B3GALT2: variants seen among roughly 807,000 people sequenced by gnomAD.
B3GALT2 encodes the protein beta-1,3-galactosyltransferase 2.
B3GALT2 carries 13 observed loss-of-function variants against 33.5 expected under a neutral mutation model. The observed-to-expected ratio is 0.39, with a 90% CI of 0.25 to 0.62. The LOEUF is 0.62. Among genes scored for constraint, B3GALT2 ranks in the 20% least tolerant of loss-of-function variants. The pLI is 0.53. For synonymous variants in B3GALT2, 195 were observed against 172.7 expected (o/e 1.13, Z -1.01); for missense variants, 418 against 509.1 (o/e 0.82, Z 1.72).
At chr1:193,185,659 C>G (rs1283293385) in intron 1 of B3GALT2, among the ~76,000 whole-genome samples, 2 of 151,982 alleles carry the variant, frequency 1.3e-5, no homozygotes, top group East Asian at 3.9e-4. Context: ...ATTTAATTTA[C>G]TAGATAAGGA....
Position 193,180,968 on chromosome 1 carries a change from C to T in B3GALT2, c.595G>A (p.Gly199Ser). The change falls in exon 2 of 2, where the codon GGC becomes AGC. Residue 199 changes from glycine (G) to serine (S), a missense_variant. Gly to Ser is a moderately conservative substitution (Grantham distance 56). Transcript: ENST00000367434. ...FLLGLSIKLN[G>S]YLQRAILEES... ...TCCAGTATTGCACGTTGAAGGTAGC[C>T]ATTTAGCTTAATACTTAAGCCCAAC... The T allele has an allele frequency of 6.2e-7, 1 of 1,613,392 alleles. No homozygotes were observed. Among genetic ancestry groups the T allele is most frequent in the Non-Finnish European group, 8.5e-7 (1 of 1,179,942 alleles).
At position 193,181,467 on chromosome 1, in the gene B3GALT2, A is replaced by G. The variant is rs1473596953; in HGVS notation, c.96T>C (p.Ser32=). The G allele has an allele frequency of 1.9e-6, 3 of 1,614,110 alleles. No homozygotes were observed. In the South Asian group the frequency reaches 3.3e-5, roughly 18 times the overall value. ...LFRTHLIGVL[S]LVFLFAMFLF... ...AAAACATAGCAAAAAGAAACACTAG[A>G]GAAAGTACTCCAATAAGATGAGTGC... Residue 32 remains serine (S), a synonymous_variant, in exon 2 of 2, where the codon TCT becomes TCC. Coordinates refer to ENST00000367434, the MANE Select transcript of B3GALT2 (RefSeq NM_003783.3).
At position 193,179,812 on chromosome 1, in the gene B3GALT2, A is replaced by G. The variant is rs1220182584; in HGVS notation, c.*482T>C. The G allele has an allele frequency of 6.6e-6, 1 of 152,624 alleles. No individual in the cohort carries two copies. Among genetic ancestry groups the G allele is most frequent in the Admixed American group, 6.5e-5 (1 of 15,268 alleles). The allele number at this position is 152,624 out of a possible 1,614,324, so 9.5% of individuals were successfully genotyped here. A position where few individuals can be genotyped will look rare whatever the true frequency, so the allele number is the denominator to read the frequency against. On this transcript the variant is annotated 3_prime_UTR_variant, in exon 2 of 2. Coordinates refer to ENST00000367434, the MANE Select transcript of B3GALT2 (RefSeq NM_003783.3). ...GAATAACTCAACTAAATCTTATTGC[A>G]TTTAGAACCCTAAAATAGGTCAAAA...
Position 193,181,585 on chromosome 1 carries a change from A to G in B3GALT2, c.-23T>C, listed in dbSNP as rs942697963. 6.5e-7 allele frequency: 1 copy of G among 1,535,490 alleles called. No homozygotes were observed. Among genetic ancestry groups the G allele is most frequent in the East Asian group, 2.3e-5 (1 of 44,352 alleles). Reference sequence around the variant, plus strand: ...CATGTTGTAAATATCCAGTAGTGGTATATGAGAGATTGGTGACCAAAAATG... The same window carrying G: ...CATGTTGTAAATATCCAGTAGTGGTGTATGAGAGATTGGTGACCAAAAATG... On this transcript the variant is annotated 5_prime_UTR_variant, in exon 2 of 2. Coordinates refer to ENST00000367434, the MANE Select transcript of B3GALT2 (RefSeq NM_003783.3).
rs1676713957 is a variant in B3GALT2, at chr1:193,181,395, T to G, written c.168A>C (p.Lys56Asn). The G allele has an allele frequency of 1.2e-6, 2 of 1,613,942 alleles. No individual in the cohort carries two copies. Among genetic ancestry groups the G allele is most frequent in the Admixed American group, 1.7e-5 (1 of 59,990 alleles). The change falls in exon 2 of 2, where the codon AAA becomes AAC. Residue 56 changes from lysine (K) to asparagine (N), a missense_variant. Coordinates refer to ENST00000367434, the MANE Select transcript of B3GALT2 (RefSeq NM_003783.3). ...GGAAAGTGTATGTCACAGGGTTTTC[T>G]TTGAATCCAGCTCTGCCTGGCAGCC... ...HDWLPGRAGFKENPVTYTFRG... is the reference protein window; with the variant it reads ...HDWLPGRAGFNENPVTYTFRG...
At chr1:193,182,599 T>G (rs1204844048) in intron 1 of B3GALT2, among the ~76,000 whole-genome samples, 3 of 152,172 alleles carry the variant, frequency 2.0e-5, no homozygotes, top group Non-Finnish European at 4.4e-5. Context: ...TTGTTAAACT[T>G]TTAGAACTTG....
Position 193,180,265 on chromosome 1 carries a change from A to G in B3GALT2, c.*29T>C, listed in dbSNP as rs372729200. ...TACATGCTTTTAGCAATATTTACAAATTGCACATTTGAAAAAAAATTGTCT... is the reference window on the plus strand; with the variant it reads ...TACATGCTTTTAGCAATATTTACAAGTTGCACATTTGAAAAAAAATTGTCT... On this transcript the variant is annotated 3_prime_UTR_variant, in exon 2 of 2. Coordinates refer to ENST00000367434, the MANE Select transcript of B3GALT2 (RefSeq NM_003783.3). The G allele has an allele frequency of 6.6e-7, 1 of 1,522,066 alleles. No homozygotes were observed. 94.3% of individuals were successfully genotyped at this position (1,522,066 alleles called of 1,614,324 possible).
intron 1 of B3GALT2, among the ~76,000 whole-genome samples, chr1:193,185,571 A>G (rs1368668160): frequency 1.3e-5 from 2 of 152,106 alleles, no homozygotes; most frequent in African/African-American, 4.8e-5. Flanking sequence ...TTGAAAAAAA[A>G]ACTCTTAAGG....
Position 193,180,173 on chromosome 1 carries a change from T to C in B3GALT2, c.*121A>G, listed in dbSNP as rs1167184667. On this transcript the variant is annotated 3_prime_UTR_variant, in exon 2 of 2. Transcript: ENST00000367434. ...CTTCTTCAGAAATTAAAAAAATACTTCTTGAATTTCTTTATGTGATGAGTT... is the reference window on the plus strand; with the variant it reads ...CTTCTTCAGAAATTAAAAAAATACTCCTTGAATTTCTTTATGTGATGAGTT... The C allele has an allele frequency of 1.2e-6, 1 of 835,186 alleles. No homozygotes were observed. Among genetic ancestry groups the C allele is most frequent in the Non-Finnish European group, 1.7e-6 (1 of 586,174 alleles). The allele number at this position is 835,186 out of a possible 1,614,324, so 51.7% of individuals were successfully genotyped here.
Position 193,180,234 on chromosome 1 carries a change from T to C in B3GALT2, c.*60A>G, listed in dbSNP as rs1676689417. On this transcript the variant is annotated 3_prime_UTR_variant, in exon 2 of 2. Transcript: ENST00000367434. Reference sequence around the variant, plus strand: ...CTTGTCCTACGGATGTAATCAGTTCTAACTATACATGCTTTTAGCAATATT... The same window carrying C: ...CTTGTCCTACGGATGTAATCAGTTCCAACTATACATGCTTTTAGCAATATT... 3.5e-6 allele frequency: 5 copies of C among 1,443,304 alleles called. No homozygotes were observed. In the South Asian group the frequency reaches 5.6e-5, roughly 16 times the overall value. The allele number at this position is 1,443,304 out of a possible 1,614,324, so 89.4% of individuals were successfully genotyped here. A position where few individuals can be genotyped will look rare whatever the true frequency, so the allele number is the denominator to read the frequency against.
chr1:193,180,670 A>G lies in B3GALT2; in HGVS notation c.893T>C (p.Met298Thr). 1 of 1,614,092 alleles carries G rather than the reference A, an allele frequency of 6.2e-7. No homozygotes were observed. Among genetic ancestry groups the G allele is most frequent in the Non-Finnish European group, 8.5e-7 (1 of 1,179,954 alleles). ...CTCACTTGGGTAGAGGTCTGGTGGC[A>G]TGTACCACTTGCTATCTTTGTTTCG... ...PNRNKDSKWY[M>T]PPDLYPSERY... The change falls in exon 2 of 2, where the codon ATG (methionine) becomes ACG (threonine). Residue 298 changes from methionine (M) to threonine (T), a missense_variant. This residue lies in a region of B3GALT2 where 226 missense variants were observed against 293.9 expected (regional missense o/e 0.77). Coordinates refer to ENST00000367434, the MANE Select transcript of B3GALT2 (RefSeq NM_003783.3).
Position 193,180,149 on chromosome 1 carries a change from T to C in B3GALT2, c.*145A>G, listed in dbSNP as rs188561333. ...TAATGTTATAGTTTTAAGAATTAAC[T>C]TCTTCAGAAATTAAAAAAATACTTC... On this transcript the variant is annotated 3_prime_UTR_variant, in exon 2 of 2. Coordinates refer to ENST00000367434, the MANE Select transcript of B3GALT2 (RefSeq NM_003783.3). The C allele has an allele frequency of 2.8e-5, 20 of 711,972 alleles. No homozygotes were observed. In the East Asian group the frequency reaches 3.4e-4, roughly 12 times the overall value. The allele number at this position is 711,972 out of a possible 1,614,324, so 44.1% of individuals were successfully genotyped here.
rs1175648890 is a variant in B3GALT2 at position 193,180,425 on chromosome 1, T to C, written c.1138A>G (p.Ile380Val). The change falls in exon 2 of 2, where the codon ATT becomes GTT. Residue 380 changes from isoleucine (I) to valine (V), a missense_variant. By Grantham distance (29) the Ile-to-Val change is conservative (BLOSUM62 3). Transcript: ENST00000367434. ...CTAGGCTGGAACTGATGAGAGGTAA[T>C]TAGGTGGCTGTATTTACAGCTCGAA... ...SYSSCKYSHL[I>V]TSHQFQPSEL... The C allele has an allele frequency of 6.2e-7, 1 of 1,614,028 alleles. No individual in the cohort carries two copies. The highest frequency in any genetic ancestry group is 2.2e-5 in the East Asian group (1 of 44,880).
At chr1:193,181,863 T>C (rs1226474503) in intron 1 of B3GALT2, among the ~76,000 whole-genome samples, 181 bp from the exon 2 acceptor site, 2 of 152,190 alleles carry the variant, frequency 1.3e-5, no homozygotes, top group Admixed American at 1.3e-4. Flanking sequence ...TTTAAAAATA[T>C]ACCTTTGTAG....
rs1267304091 is a variant in B3GALT2, at chr1:193,179,677, G to A, written c.*617C>T. ...AATTTTCCCCCATATATTAATAAAAGAAAGTATTAATAAAAGAAATTTAAA... is the reference window on the plus strand; with the variant it reads ...AATTTTCCCCCATATATTAATAAAAAAAAGTATTAATAAAAGAAATTTAAA... On this transcript the variant is annotated 3_prime_UTR_variant, in exon 2 of 2. Transcript: ENST00000367434. 1 of 152,338 alleles carries A rather than the reference G, an allele frequency of 6.6e-6. No homozygotes were observed. Among genetic ancestry groups the A allele is most frequent in the Non-Finnish European group, 1.5e-5 (1 of 67,952 alleles). 9.4% of individuals were successfully genotyped at this position (152,338 alleles called of 1,614,324 possible). A position where few individuals can be genotyped will look rare whatever the true frequency, so the allele number is the denominator to read the frequency against.
rs1370560116 is a variant in B3GALT2, at chr1:193,181,151, A to C, written c.412T>G (p.Tyr138Asp). The C allele has an allele frequency of 1.2e-6, 2 of 1,613,820 alleles. No homozygotes were observed. Among genetic ancestry groups the C allele is most frequent in the Non-Finnish European group, 1.7e-6 (2 of 1,179,932 alleles). The change falls in exon 2 of 2, where the codon TAT (tyrosine) becomes GAT (aspartate). Residue 138 changes from tyrosine to aspartate, a missense_variant. By Grantham distance (160) the Tyr-to-Asp change is radical (BLOSUM62 -3). Transcript: ENST00000367434. The part of the protein sequence containing the change: ...TGHPNSYHFK[Y>D]IINEPEKCQE... Reference sequence around the variant, plus strand: ...CATTTTTCAGGCTCATTAATAATATATTTGAAATGGTAAGAATTTGGATGT... The same window carrying C: ...CATTTTTCAGGCTCATTAATAATATCTTTGAAATGGTAAGAATTTGGATGT...
chr1:193,180,909 C>A lies in B3GALT2; in HGVS notation c.654G>T (p.Gln218His), dbSNP rs2103158802. ...AATTATAGTACGTATCTAAGTATTC[C>A]TGTTGAATTATATCATGATATTGTC... is the stretch of plus-strand genomic sequence containing the variant. ...ESRQYHDIIQ[Q>H]EYLDTYYNLT... The change falls in exon 2 of 2, where the codon CAG becomes CAT. Residue 218 changes from glutamine (Q) to histidine (H), a missense_variant. Gln to His is a conservative substitution (Grantham distance 24, BLOSUM62 0). Around this residue, in one of 3 missense-constraint regions of B3GALT2, gnomAD observed 226 missense variants for 293.9 expected, o/e 0.77. Transcript: ENST00000367434. The A allele has an allele frequency of 6.2e-7, 1 of 1,613,730 alleles. No homozygotes were observed. The highest frequency in any genetic ancestry group is 2.2e-5 in the East Asian group (1 of 44,870).
At position 193,180,162 on chromosome 1, in the gene B3GALT2, A is replaced by C. The variant is rs1313961362; in HGVS notation, c.*132T>G. 3 of 792,320 alleles carry C rather than the reference A, an allele frequency of 3.8e-6. No homozygotes were observed. The highest frequency in any genetic ancestry group is 3.7e-5 in the Admixed American group (1 of 27,344). 49.1% of individuals were successfully genotyped at this position (792,320 alleles called of 1,614,324 possible). A position where few individuals can be genotyped will look rare whatever the true frequency, so the allele number is the denominator to read the frequency against. On this transcript the variant is annotated 3_prime_UTR_variant, in exon 2 of 2. Coordinates refer to ENST00000367434, the MANE Select transcript of B3GALT2 (RefSeq NM_003783.3). Reference sequence around the variant, plus strand: ...TTAAGAATTAACTTCTTCAGAAATTAAAAAAATACTTCTTGAATTTCTTTA... The same window carrying C: ...TTAAGAATTAACTTCTTCAGAAATTCAAAAAATACTTCTTGAATTTCTTTA...
At chr1:193,185,354 C>G (rs977096735) in intron 1 of B3GALT2, among the ~76,000 whole-genome samples, 11 of 151,942 alleles carry the variant, frequency 7.2e-5, no homozygotes, top group Non-Finnish European at 1.0e-4. Flanking sequence ...TAACACGAGG[C>G]TCTATTGTGG....
Sources: gnomAD v4.1 joint callset for allele counts (sites outside exome capture counted in the v4.1 genomes callset) on GRCh38, gnomAD v4.1.1 for gene constraint, gnomAD v4.1.1 regional missense constraint, MANE v1.5 for transcripts, NCBI Gene and HGNC (gene_info 2026-07-23, HGNC 2026-07-21) for gene names.